NTRK3: variants seen among roughly 807,000 people sequenced by gnomAD.
NTRK3 encodes neurotrophic receptor tyrosine kinase 3, also known as NT-3 growth factor receptor.
A neutral mutation model predicts 91.7 loss-of-function variants in NTRK3; 24 were observed. The observed-to-expected ratio is 0.26, with a 90% confidence interval of 0.19 to 0.37. The LOEUF (loss-of-function observed/expected upper bound fraction) is 0.37, where lower values mean the gene tolerates loss of function less well. NTRK3 is among the 10% of genes least tolerant of loss of function. NTRK3 has a pLI of 1.00. For synonymous variants in NTRK3, 483 were observed against 404.0 expected, an observed-to-expected ratio of 1.20 and a Z score of -2.34; for missense variants, 880 against 1,068.9, an observed-to-expected ratio of 0.82 and a Z score of 2.46.
At chr15:88,184,096 A>G (rs1426710918) in intron 4 of NTRK3, 129 bp downstream of exon 4, 4 of 907,398 alleles carry the variant, frequency 4.4e-6, no homozygotes, top group Non-Finnish European at 7.1e-6. Flanking sequence ...CAACTCTACC[A>G]AAAGAAGACC....
At chr15:88,116,498 A>G (rs967265912) in intron 13 of NTRK3, among the ~76,000 whole-genome samples, 9 of 152,226 alleles carry the variant, frequency 5.9e-5, no homozygotes, top group African/African-American at 1.4e-4. Context: ...CCCAGCCTAT[A>G]GACCTTTGAG....
chr15:87,995,875 T>A (rs768835277), intron 14 of NTRK3, among the ~76,000 whole-genome samples: 1 of 152,234 alleles, frequency 6.6e-6, no homozygotes, highest in East Asian at 1.9e-4. Context: ...TTTAGAGACA[T>A]TGAAATTTGA....
chr15:88,110,696 C>A (rs1004315737), intron 13 of NTRK3, among the ~76,000 whole-genome samples: 3 of 152,178 alleles, frequency 2.0e-5, no homozygotes, highest in East Asian at 1.9e-4. Context: ...GCATGAGGAA[C>A]CTCAGTCTTA....
At chr15:88,036,375 T>A (rs1482537989) in intron 13 of NTRK3, among the ~76,000 whole-genome samples, 2 of 151,960 alleles carry the variant, frequency 1.3e-5, no homozygotes, top group African/African-American at 4.8e-5. Context: ...ACAGAGCAAT[T>A]CCTTCAACAT....
chr15:88,131,129 A>T (rs1398706952), intron 10 of NTRK3, among the ~76,000 whole-genome samples: 1 of 152,244 alleles, frequency 6.6e-6, no homozygotes, highest in East Asian at 1.9e-4. Context: ...GGTGGGTATC[A>T]AGATTTTGCA....
intron 5 of NTRK3, among the ~76,000 whole-genome samples, chr15:88,153,444 G>T (rs980528404): frequency 6.6e-6 from 1 of 151,946 alleles, no homozygotes; most frequent in Non-Finnish European, 1.5e-5. Flanking sequence ...AAAAATACAT[G>T]CGGTTTCTCC....
intron 13 of NTRK3, among the ~76,000 whole-genome samples, chr15:88,076,766 C>G (rs2047583290): frequency 6.7e-6 from 1 of 150,324 alleles, no homozygotes; most frequent in Non-Finnish European, 1.5e-5. Flanking sequence ...GGGGGCCTAA[C>G]ATTATCCAGC....
chr15:87,896,501 GA>G lies in NTRK3; in HGVS notation c.2134-16074del, dbSNP rs1258373774. Reference sequence around the variant, plus strand: ...AAAAAAAAAAAAGAAAGAAAGGAAAGAAAAAAATATATACATGTATATATAT... The same window carrying G: ...AAAAAAAAAAAAGAAAGAAAGGAAAGAAAAAATATATACATGTATATATAT... On this transcript the variant is annotated intron_variant, in intron 17 of 18. Coordinates refer to ENST00000394480, the Ensembl canonical transcript of NTRK3. 3.2e-3 allele frequency among the ~76,000 whole-genome samples: 485 copies of G among 150,682 alleles called. 5 individuals are homozygous for G. Among genetic ancestry groups the G allele is most frequent in the Non-Finnish European group, 4.0e-3 (274 of 67,656 alleles).
At chr15:87,923,242 TG>T (rs1241458081) in intron 17 of NTRK3, among the ~76,000 whole-genome samples, 1 of 152,234 alleles carries the variant, frequency 6.6e-6, no homozygotes. Flanking sequence ...GACACAGCTA[TG>T]TTCCATTTCT....
At chr15:87,933,251 G>A in intron 15 of NTRK3, 67 bp from the exon 16 acceptor site, 1 of 1,503,746 alleles carries the variant, frequency 6.7e-7, no homozygotes, top group Non-Finnish European at 9.2e-7. Context: ...TCTACTCCTG[G>A]AAAGAAACTG....
chr15:88,099,637 G>A lies in NTRK3; in HGVS notation c.1396+26634C>T, dbSNP rs933133674. Reference sequence around the variant, plus strand: ...GGAGCTAAGAGCCTGGGTGCTAGCCGGGTCTGCCACAATCAAAACTGTCCT... The same window carrying A: ...GGAGCTAAGAGCCTGGGTGCTAGCCAGGTCTGCCACAATCAAAACTGTCCT... On this transcript the variant is annotated intron_variant, in intron 13 of 18. Coordinates refer to ENST00000394480, the Ensembl canonical transcript of NTRK3. Among the ~76,000 whole-genome samples the A allele has an allele frequency of 4.1e-4, 62 of 152,098 alleles. 1 individual carries two copies. Among genetic ancestry groups the A allele is most frequent in the African/African-American group, 1.4e-3 (57 of 41,410 alleles).
rs1244586855 is a variant in NTRK3 at position 88,052,161 on chromosome 15, G to A, written c.1397-19116C>T. Among the ~76,000 whole-genome samples, 5 of 152,216 alleles carry A rather than the reference G, an allele frequency of 3.3e-5. No individual in the cohort carries two copies. The East Asian group carries it at 9.6e-4, about 29-fold the overall frequency. On this transcript the variant is annotated intron_variant, in intron 13 of 18. Coordinates refer to ENST00000394480, the Ensembl canonical transcript of NTRK3. The stretch of plus-strand genomic sequence containing the variant: ...AAAGGGGAAATGTATTATAGAATAA[G>A]TGATGTCATAAATATTTCCAGGTGT...
intron 13 of NTRK3, among the ~76,000 whole-genome samples, chr15:88,042,133 G>A (rs966167953): frequency 6.6e-6 from 1 of 152,080 alleles, no homozygotes; most frequent in Non-Finnish European, 1.5e-5. Flanking sequence ...GTCCCTGGTG[G>A]GCGAGAGCTT....
In NTRK3 at chr15:87,979,200, T is replaced by C. The variant is rs1225964598; in HGVS notation, c.1586-38447A>G. 1.4e-5 allele frequency: 10 copies of C among 735,504 alleles called. No homozygotes were observed. In the East Asian group the frequency reaches 1.8e-4, roughly 13 times the overall value. 45.6% of individuals were successfully genotyped at this position (735,504 alleles called of 1,614,324 possible). On this transcript the variant is annotated intron_variant, in intron 14 of 18. Transcript: ENST00000394480. ...GGGGGAAAACACCCATCTGGTGGTG[T>C]TAAAGGGTGCCGGGGCACTGGTGGC...
intron 13 of NTRK3, among the ~76,000 whole-genome samples, chr15:88,079,442 T>C (rs1159968986): frequency 1.3e-5 from 2 of 152,110 alleles, no homozygotes; most frequent in South Asian, 2.1e-4. Flanking sequence ...CAGAGAGGAA[T>C]TGGGAAAAAT....
At chr15:87,981,427 G>A (rs1420960400) in intron 14 of NTRK3, 13 of 1,611,808 alleles carry the variant, frequency 8.1e-6, no homozygotes, top group African/African-American at 1.3e-5. Flanking sequence ...AAAAACATGG[G>A]AAAGTATTTT....
chr15:88,136,847 T>C (rs1260254136), intron 7 of NTRK3, among the ~76,000 whole-genome samples: 2 of 152,144 alleles, frequency 1.3e-5, no homozygotes, highest in East Asian at 3.9e-4. Context: ...AGCGGCAGGT[T>C]GCGGGGTGGG....
chr15:88,052,923 G>A (rs1014810105), intron 13 of NTRK3, among the ~76,000 whole-genome samples: 1 of 152,126 alleles, frequency 6.6e-6, no homozygotes, highest in South Asian at 2.1e-4. Flanking sequence ...CAGTATGGAA[G>A]CCTTATTAGC....
chr15:88,162,774 C>T (rs1039266303), intron 5 of NTRK3, among the ~76,000 whole-genome samples: 11 of 152,138 alleles, frequency 7.2e-5, no homozygotes, highest in Middle Eastern at 3.2e-3. Flanking sequence ...CTATGCAACG[C>T]CCCAGCTTCC....
Sources: gnomAD v4.1 joint callset for allele counts (sites outside exome capture counted in the v4.1 genomes callset) on GRCh38, gnomAD v4.1.1 for gene constraint, MANE v1.5 for transcripts, NCBI Gene and HGNC (gene_info 2026-07-23, HGNC 2026-07-21) for gene names.